LOC400499: variants seen among roughly 807,000 people sequenced by gnomAD.
the LOC400499 span, among the ~76,000 whole-genome samples, chr16:11,395,425 G>T: frequency 1.4e-4 from 22 of 152,336 alleles, no homozygotes; most frequent in Admixed American, 4.6e-4. Flanking sequence ...CAGGGCTCCA[G>T]TTCCATCAGG....
chr16:11,413,182 G>A, the LOC400499 span, among the ~76,000 whole-genome samples: 2 of 152,178 alleles, frequency 1.3e-5, no homozygotes, highest in Non-Finnish European at 2.9e-5. Context: ...AAGGACAGCT[G>A]CAGCCCAGAC....
At chr16:11,407,993 T>G in the LOC400499 span, among the ~76,000 whole-genome samples, 4 of 146,392 alleles carry the variant, frequency 2.7e-5, no homozygotes, top group East Asian at 4.0e-4. Context: ...TTTTTTTTTT[T>G]TTTTGAGAAG....
the LOC400499 span, among the ~76,000 whole-genome samples, chr16:11,397,229 TG>T: frequency 6.6e-6 from 1 of 152,070 alleles, no homozygotes; most frequent in Non-Finnish European, 1.5e-5. Context: ...AGATAAGGGG[TG>T]GGAAACTATG....
At chr16:11,410,410 T>C in the LOC400499 span, among the ~76,000 whole-genome samples, 1 of 152,210 alleles carries the variant, frequency 6.6e-6, no homozygotes, top group African/African-American at 2.4e-5. Flanking sequence ...GCCGAAATTG[T>C]GCCACTGCAC....
At chr16:11,462,543 C>T in the LOC400499 span, 1 of 525,040 alleles carries the variant, frequency 1.9e-6, no homozygotes. Flanking sequence ...GATTCTCCTG[C>T]CTCAGCCTCC....
the LOC400499 span, chr16:11,446,743 C>A: frequency 1.3e-6 from 2 of 1,535,542 alleles, no homozygotes; most frequent in Non-Finnish European, 1.7e-6. Context: ...CCCAGACACA[C>A]TCACGTAGGG....
At chr16:11,463,129 C>G in the LOC400499 span, among the ~76,000 whole-genome samples, 868 of 152,334 alleles carry the variant, frequency 5.7e-3, 8 homozygotes, top group African/African-American at 0.02. Context: ...TGGGAAGACA[C>G]TGGCAGATGG....
chr16:11,384,107 A>G, the LOC400499 span: 1 of 1,226,074 alleles, frequency 8.2e-7, no homozygotes, highest in Non-Finnish European at 1.0e-6. Flanking sequence ...CCCTGGGCCT[A>G]CGAAGTCCTC....
chr16:11,466,591 G>A, the LOC400499 span, among the ~76,000 whole-genome samples: 1 of 152,036 alleles, frequency 6.6e-6, no homozygotes, highest in African/African-American at 2.4e-5. Context: ...GTTTTGCCAT[G>A]TTGTTCAGGC....
the LOC400499 span, among the ~76,000 whole-genome samples, chr16:11,464,614 C>T: frequency 6.6e-6 from 1 of 152,200 alleles, no homozygotes; most frequent in Non-Finnish European, 1.5e-5. Context: ...TATTCATGAG[C>T]TCATCTGCCT....
the LOC400499 span, among the ~76,000 whole-genome samples, chr16:11,389,573 T>C: frequency 6.6e-6 from 1 of 151,004 alleles, no homozygotes; most frequent in East Asian, 2.0e-4. Flanking sequence ...TAGTCCCAGC[T>C]ACTAGGGAGG....
At chr16:11,396,411 G>A in the LOC400499 span, 37 of 1,136,040 alleles carry the variant, frequency 3.3e-5, no homozygotes, top group Non-Finnish European at 3.8e-5. Context: ...ACTAGATGGC[G>A]GGGCCGCCCA....
At chr16:11,437,224 A>G in the LOC400499 span, among the ~76,000 whole-genome samples, 1 of 152,194 alleles carries the variant, frequency 6.6e-6, no homozygotes, top group African/African-American at 2.4e-5. Context: ...GTTATGAATG[A>G]TGCCGTAATG....
chr16:11,373,871 C>T, the LOC400499 span, among the ~76,000 whole-genome samples: 14 of 151,584 alleles, frequency 9.2e-5, no homozygotes, highest in Middle Eastern at 3.4e-3. Context: ...CTGCCCGCCT[C>T]GGCCTCCCAA....
chr16:11,481,745 GC>G, the LOC400499 span, among the ~76,000 whole-genome samples: 3 of 152,116 alleles, frequency 2.0e-5, no homozygotes, highest in Non-Finnish European at 1.5e-5. Flanking sequence ...TGATTCTCCT[GC>G]CTCAGCCTCC....
At chr16:11,392,836 C>A in the LOC400499 span, 1 of 978,700 alleles carries the variant, frequency 1.0e-6, no homozygotes, top group Non-Finnish European at 1.2e-6. Flanking sequence ...CCCTACCCCA[C>A]CAGGTTTTTT....
At chr16:11,460,787 T>C in the LOC400499 span, among the ~76,000 whole-genome samples, 114,320 of 152,220 alleles carry the variant, frequency 0.75, 43,519 homozygotes, top group Admixed American at 0.8. Context: ...GGTGAATGTC[T>C]CCTCAACAGA....
chr16:11,478,744 G>T, the LOC400499 span: 7 of 398,746 alleles, frequency 1.8e-5, no homozygotes, highest in Admixed American at 4.4e-5. Context: ...GAGTGATATG[G>T]TTTGGCTGTG....
the LOC400499 span, chr16:11,514,590 C>T: frequency 5.0e-6 from 2 of 399,590 alleles, no homozygotes; most frequent in Non-Finnish European, 8.8e-6. Flanking sequence ...TAGCCATCCA[C>T]AGGACCCAGC....
Sources: allele counts gnomAD v4.1 joint callset (sites outside exome capture counted in the v4.1 genomes callset), GRCh38; gene constraint gnomAD v4.1.1; transcripts MANE v1.5.